The following SPTBN4 variants were observed in gnomAD, a reference collection of about 807,000 sequenced individuals.
SPTBN4 encodes the protein spectrin beta chain, non-erythrocytic 4.
A neutral mutation model predicts 277.8 loss-of-function variants in SPTBN4; 96 were observed. The observed-to-expected ratio is 0.35, with a 90% CI of 0.29 to 0.41. SPTBN4 has a LOEUF of 0.41. SPTBN4 is among the 10% of genes least tolerant of loss of function. The pLI, the probability that SPTBN4 is intolerant of heterozygous loss-of-function variation, is 1.00. For missense variants in SPTBN4, 3,006 were observed against 3,595.7 expected (o/e 0.84, Z 4.19); for synonymous variants, 1,481 against 1,580.3 (o/e 0.94, Z 1.49).
rs11458145 is a variant in SPTBN4, at chr19:40,575,014, C to CAAA, written c.7537-381_7537-379dup. The stretch of plus-strand genomic sequence containing the variant: ...TGGGGGACAGAGCAAGACTCTGTCT[C>CAAA]AAAAAAAAAAAAAAAAAAGTCTCTT... On this transcript the variant is annotated intron_variant, in intron 35 of 35. Transcript: ENST00000598249. Among the ~76,000 whole-genome samples, 10 of 90,034 alleles carry CAAA rather than the reference C, an allele frequency of 1.1e-4. 1 individual carries two copies. Among genetic ancestry groups the CAAA allele is most frequent in the Non-Finnish European group, 1.6e-4 (7 of 44,804 alleles). The allele number at this position is 90,034 out of a possible 152,430, so 59.1% of individuals were successfully genotyped here.
At position 40,473,097 on chromosome 19, in the gene SPTBN4, G is replaced by C. The variant is rs1599704513; in HGVS notation, c.169+307G>C. On this transcript the variant is annotated intron_variant, in intron 2 of 35. Transcript: ENST00000598249. ...AGTCTTATTCTGTTGCCCCGGCTGG[G>C]GTGTAGTGGTGAGATCTTGGGTCAC... Among the ~76,000 whole-genome samples the C allele has an allele frequency of 3.3e-5, 5 of 151,816 alleles. No individual in the cohort carries two copies. In the South Asian group the frequency reaches 1.0e-3, roughly 32 times the overall value.
intron 2 of SPTBN4, among the ~76,000 whole-genome samples, chr19:40,482,322 C>T (rs967919459): frequency 3.3e-5 from 5 of 152,074 alleles, no homozygotes; most frequent in Non-Finnish European, 5.9e-5. Flanking sequence ...CCTCCTGCCT[C>T]GGCCTCCCAA....
intron 1 of SPTBN4, 35 bp from the exon 2 acceptor site, chr19:40,472,572 G>C: frequency 6.5e-7 from 1 of 1,541,468 alleles, no homozygotes; most frequent in Non-Finnish European, 8.8e-7. Context: ...AATGAGACTT[G>C]ATCCTAGACC....
Position 40,503,967 on chromosome 19 carries a change from C to G in SPTBN4, c.1500C>G (p.Tyr500Ter). 1 of 1,613,936 alleles carries G rather than the reference C, an allele frequency of 6.2e-7. No individual in the cohort carries two copies. The highest frequency in any genetic ancestry group is 8.5e-7 in the Non-Finnish European group (1 of 1,180,008). The part of the protein sequence containing the change: ...ELAQALAAEG[Y>*]YDIRRVAAQR... ...CCCAGGCATTGGCAGCCGAAGGCTA[C>G]TACGATATCCGGCGGGTGGCAGCCC... The change falls in exon 12 of 36, where the codon TAC (tyrosine) becomes TAG (stop). Residue 500 changes from tyrosine to a stop codon, truncating the protein, a stop_gained. Transcript: ENST00000598249. LOFTEE classifies it high-confidence loss of function.
intron 20 of SPTBN4, among the ~76,000 whole-genome samples, chr19:40,542,906 A>C (rs2080817965): frequency 6.6e-6 from 1 of 151,774 alleles, no homozygotes; most frequent in Non-Finnish European, 1.5e-5. Flanking sequence ...ATAATTCACA[A>C]ATTATGTCTT....
chr19:40,557,007 C>CA lies in SPTBN4; in HGVS notation c.5290-15dup, dbSNP rs397766904. On this transcript the variant is annotated splice_polypyrimidine_tract_variant and intron_variant, in intron 25 of 35. Transcript: ENST00000598249. ...GCTCACTTTGCTGTACCCCCCCCCC[C>CA]ACTTCCTGATGGCAGGTGCTGCAGG... 4.6e-6 allele frequency: 7 copies of CA among 1,522,486 alleles called. No individual in the cohort carries two copies. Among genetic ancestry groups the CA allele is most frequent in the African/African-American group, 1.4e-5 (1 of 72,214 alleles). The allele number at this position is 1,522,486 out of a possible 1,614,324, so 94.3% of individuals were successfully genotyped here. A position where few individuals can be genotyped will look rare whatever the true frequency, so the allele number is the denominator to read the frequency against.
At chr19:40,468,283 G>T (rs1246522748) in intron 1 of SPTBN4, among the ~76,000 whole-genome samples, 1 of 151,930 alleles carries the variant, frequency 6.6e-6, no homozygotes, top group East Asian at 1.9e-4. Context: ...CACTATGTTG[G>T]TAAGGCTGGT....
chr19:40,484,953 C>A (rs202238436), intron 2 of SPTBN4, among the ~76,000 whole-genome samples: 18 of 87,540 alleles, frequency 2.1e-4, no homozygotes, highest in Middle Eastern at 5.5e-3. Context: ...AAAACAAAAA[C>A]CAAAAAACAA....
intron 22 of SPTBN4, 25 bp downstream of exon 22, chr19:40,550,352 G>A (rs764671585): frequency 1.4e-5 from 23 of 1,599,428 alleles, no homozygotes; most frequent in Admixed American, 1.3e-4. Flanking sequence ...GTGAGGGAGC[G>A]AGTTAGGACA....
At chr19:40,547,742 T>C (rs1599792449) in intron 20 of SPTBN4, among the ~76,000 whole-genome samples, 1 of 152,226 alleles carries the variant, frequency 6.6e-6, no homozygotes, top group Non-Finnish European at 1.5e-5. Context: ...TGAGATGATA[T>C]CTCATTGTGG....
chr19:40,523,569 G>C lies in SPTBN4; in HGVS notation c.3787G>C (p.Glu1263Gln). The change falls in exon 17 of 36, where the codon GAG (glutamate) becomes CAG (glutamine). Residue 1263 changes from glutamate to glutamine, a missense_variant. Around this residue, in one of 5 missense-constraint regions of SPTBN4, gnomAD observed 1,759 missense variants for 2,061.5 expected, o/e 0.85. Coordinates refer to ENST00000598249, the MANE Select transcript of SPTBN4 (RefSeq NM_020971.3). ...GATGCAGGTGGCCGTGCAGGCTGCA[G>C]AGGGCCTGCTGAGGCAGGGCAACAT... ...QKMQVAVQAAEGLLRQGNIYG... is the reference protein window; with the variant it reads ...QKMQVAVQAAQGLLRQGNIYG... 6.2e-7 allele frequency: 1 copy of C among 1,614,212 alleles called. No individual in the cohort carries two copies. The highest frequency in any genetic ancestry group is 8.5e-7 in the Non-Finnish European group (1 of 1,180,046).
At chr19:40,567,610 T>TA in intron 30 of SPTBN4, 53 bp from the exon 31 acceptor site, 49 of 1,277,628 alleles carry the variant, frequency 3.8e-5, no homozygotes, top group Non-Finnish European at 4.6e-5. Flanking sequence ...ACCTCCCCCT[T>TA]ACCCCGCCCC....
intron 18 of SPTBN4, 136 bp downstream of exon 18, chr19:40,529,267 C>T (rs1039114766): frequency 3.9e-6 from 3 of 766,926 alleles, no homozygotes; most frequent in Non-Finnish European, 6.3e-6. Flanking sequence ...CGCCAGGGGG[C>T]GCGCGGAGCC....
intron 18 of SPTBN4, chr19:40,530,387 C>A: frequency 1.8e-6 from 1 of 559,852 alleles, no homozygotes; most frequent in Non-Finnish European, 2.3e-6. Context: ...GCACCCCCAC[C>A]TGGGGCCCCG....
rs569482892 is a variant in SPTBN4, at chr19:40,519,847, C to G, written c.3350C>G (p.Pro1117Arg). ...GAGGCGGCGGGCGGCAGCGAGGGGC[C>G]CCTGCCCAACAGCCTAGAAGAGGCG... is the stretch of plus-strand genomic sequence containing the variant. ...AQEAAGGSEGPLPNSLEEADA... is the reference protein window; with the variant it reads ...AQEAAGGSEGRLPNSLEEADA... The change falls in exon 16 of 36, where the codon CCC becomes CGC. Residue 1117 changes from proline to arginine, a missense_variant. By Grantham distance (103) the Pro-to-Arg change is moderately radical. Coordinates refer to ENST00000598249, the MANE Select transcript of SPTBN4 (RefSeq NM_020971.3). This position sits in a 1 kb window ranked among gnomAD's most constrained non-coding sequence, Gnocchi z 5.7. 2.1e-6 allele frequency: 3 copies of G among 1,448,090 alleles called. No homozygotes were observed. In the East Asian group the frequency reaches 8.2e-5, roughly 40 times the overall value. The allele number at this position is 1,448,090 out of a possible 1,614,324, so 89.7% of individuals were successfully genotyped here. A position where few individuals can be genotyped will look rare whatever the true frequency, so the allele number is the denominator to read the frequency against.
chr19:40,505,634 C>T (rs2080317417), intron 12 of SPTBN4, among the ~76,000 whole-genome samples: 1 of 150,802 alleles, frequency 6.6e-6, no homozygotes, highest in Non-Finnish European at 1.5e-5. Flanking sequence ...CGCGCCACTG[C>T]ACTCCAGCCT....
Position 40,501,979 on chromosome 19 carries a change from C to T in SPTBN4, c.843C>T (p.Tyr281=). Residue 281 remains tyrosine, a synonymous_variant, in exon 8 of 36, where the codon TAC becomes TAT. Transcript: ENST00000598249. ...TCATCACCTACGTGGTCTCTTTCTACCACTATTTCTCCAAGATGAAGGCTC... is the reference window on the plus strand; with the variant it reads ...TCATCACCTACGTGGTCTCTTTCTATCACTATTTCTCCAAGATGAAGGCTC... ...KSIITYVVSF[Y]HYFSKMKALA... is the part of the protein sequence containing the mutation. 1 of 1,614,216 alleles carries T rather than the reference C, an allele frequency of 6.2e-7. No individual in the cohort carries two copies. The highest frequency in any genetic ancestry group is 2.2e-5 in the East Asian group (1 of 44,882).
Position 40,515,267 on chromosome 19 carries a change from G to A in SPTBN4, c.2766-44G>A, listed in dbSNP as rs1254468336. 1.3e-6 allele frequency: 2 copies of A among 1,599,408 alleles called. No homozygotes were observed. ...AGTAGAAGGTATTTCATAAAACCAA[G>A]GTCCGCAGGGTTCGGGTGTCTGAGC... is the stretch of plus-strand genomic sequence containing the variant. On this transcript the variant is annotated intron_variant, in intron 14 of 35. Coordinates refer to ENST00000598249, the MANE Select transcript of SPTBN4 (RefSeq NM_020971.3). The surrounding 1 kb of genome is among the most constrained non-coding windows in gnomAD (Gnocchi z 4.1).
intron 26 of SPTBN4, among the ~76,000 whole-genome samples, chr19:40,558,756 C>T (rs1056065931): frequency 2.0e-5 from 3 of 151,684 alleles, no homozygotes; most frequent in East Asian, 1.9e-4. Context: ...TACATGCACG[C>T]GCCACCACAC....
Sources: allele counts gnomAD v4.1 joint callset (sites outside exome capture counted in the v4.1 genomes callset), GRCh38; gene constraint gnomAD v4.1.1; regional missense constraint gnomAD v4.1.1; non-coding constraint Gnocchi (gnomAD v3.1); transcripts MANE v1.5; gene names NCBI Gene and HGNC (gene_info 2026-07-23, HGNC 2026-07-21).